The following HFM1 variants were observed in gnomAD, a reference collection of about 807,000 sequenced individuals.
The protein encoded by HFM1 is probable ATP-dependent DNA helicase HFM1.
A neutral mutation model predicts 192.1 loss-of-function variants in HFM1; 169 were observed. The ratio of observed to expected loss-of-function variants is 0.88; its 90% CI spans 0.78 to 1.00. The LOEUF (loss-of-function observed/expected upper bound fraction) is 1.00, where lower values mean the gene tolerates loss of function less well. Among genes scored for constraint, HFM1 ranks in the 50% least tolerant of loss-of-function variants. HFM1 has a pLI of 0.00. For missense variants in HFM1, 1,661 were observed against 1,668.0 expected (o/e 1.00, Z 0.07); for synonymous variants, 525 against 537.8 (o/e 0.98, Z 0.33).
chr1:91,388,426 G>A (rs933974461), intron 4 of HFM1, among the ~76,000 whole-genome samples: 1 of 152,094 alleles, frequency 6.6e-6, no homozygotes, highest in African/African-American at 2.4e-5. Context: ...AGAATCAGTC[G>A]GTGTCAGTCA....
chr1:91,359,131 T>G (rs762707945), intron 13 of HFM1, among the ~76,000 whole-genome samples: 2 of 152,026 alleles, frequency 1.3e-5, no homozygotes, highest in Non-Finnish European at 2.9e-5. Context: ...AGATCAAAGG[T>G]AGATAAGCCC....
At chr1:91,274,855 T>C in intron 32 of HFM1, 46 bp from the exon 33 acceptor site, 2 of 948,202 alleles carry the variant, frequency 2.1e-6, no homozygotes, top group Admixed American at 1.9e-5. Flanking sequence ...TTCACATCAA[T>C]AACTTGTAAC....
At chr1:91,370,717 CAT>C (rs1376618887) in intron 13 of HFM1, among the ~76,000 whole-genome samples, 2 of 152,110 alleles carry the variant, frequency 1.3e-5, no homozygotes, top group African/African-American at 4.8e-5. Context: ...TCCTATTCAA[CAT>C]AGTGTTGGAA....
At chr1:91,357,399 A>G (rs181776575) in intron 13 of HFM1, among the ~76,000 whole-genome samples, 350 of 152,334 alleles carry the variant, frequency 2.3e-3, no homozygotes, top group Non-Finnish European at 3.6e-3. Context: ...AGCAAGTTCA[A>G]CATCCTTTCT....
intron 30 of HFM1, among the ~76,000 whole-genome samples, chr1:91,297,014 C>T (rs1270336870): frequency 6.6e-6 from 1 of 152,250 alleles, no homozygotes; most frequent in Non-Finnish European, 1.5e-5. Context: ...CCGGGAAGCA[C>T]AAGGGGTCAG....
In HFM1 at chr1:91,351,617, G is replaced by A. The variant is rs117177978; in HGVS notation, c.2004C>T (p.Ile668=). 7.5e-6 allele frequency: 12 copies of A among 1,599,436 alleles called. No individual in the cohort carries two copies. Among genetic ancestry groups the A allele is most frequent in the Non-Finnish European group, 9.4e-6 (11 of 1,170,880 alleles). The change falls in exon 17 of 39, where the codon ATC becomes ATT. Residue 668 remains isoleucine, a synonymous_variant. Transcript: ENST00000370425. ...TGTCCCTTGTGCTTAATCGAGTCATGATAACTGCAGTAGCTGTAGTGTCAA... is the reference window on the plus strand; with the variant it reads ...TGTCCCTTGTGCTTAATCGAGTCATAATAACTGCAGTAGCTGTAGTGTCAA... ...PQFDTTATAV[I]MTRLSTRDKY... is the part of the protein sequence containing the mutation.
intron 30 of HFM1, among the ~76,000 whole-genome samples, chr1:91,313,036 C>T (rs527290420): frequency 1.3e-5 from 2 of 152,286 alleles, no homozygotes; most frequent in East Asian, 3.9e-4. Context: ...CCTCCCCAGC[C>T]ATGTGCAACT....
At chr1:91,328,704 A>G in intron 20 of HFM1, 1 of 1,602,726 alleles carries the variant, frequency 6.2e-7, no homozygotes, top group Non-Finnish European at 8.5e-7. Context: ...GCTGAGGCAG[A>G]GAAGCAGCTA....
At chr1:91,369,063 T>C (rs1659794131) in intron 13 of HFM1, among the ~76,000 whole-genome samples, 1 of 152,128 alleles carries the variant, frequency 6.6e-6, no homozygotes, top group African/African-American at 2.4e-5. Flanking sequence ...CCTAAATATA[T>C]ATGCACCCAA....
At chr1:91,336,698 A>T (rs1202043556) in intron 20 of HFM1, among the ~76,000 whole-genome samples, 3 of 152,234 alleles carry the variant, frequency 2.0e-5, no homozygotes, top group African/African-American at 2.4e-5. Flanking sequence ...CTAGAACCAG[A>T]AATACCATTT....
chr1:91,403,577 G>C (rs948169924), intron 1 of HFM1, among the ~76,000 whole-genome samples: 5 of 152,086 alleles, frequency 3.3e-5, no homozygotes, highest in African/African-American at 1.2e-4. Context: ...TCTAGGTTTA[G>C]ATTCAGATTT....
At chr1:91,311,211 C>T (rs1650389555) in intron 30 of HFM1, among the ~76,000 whole-genome samples, 1 of 152,060 alleles carries the variant, frequency 6.6e-6, no homozygotes, top group African/African-American at 2.4e-5. Context: ...GGCATTTTGC[C>T]CCTGCCCAAG....
chr1:91,338,924 C>G, intron 20 of HFM1: 3 of 455,840 alleles, frequency 6.6e-6, no homozygotes, highest in South Asian at 4.6e-5. Flanking sequence ...CCAGGAACAC[C>G]TCTAACCCTC....
rs1466938761 is a variant in HFM1 at position 91,264,359 on chromosome 1, G to GTTTTTTTTTTT, written c.3974+1657_3974+1658insAAAAAAAAAAA. 2.8e-4 allele frequency among the ~76,000 whole-genome samples: 15 copies of GTTTTTTTTTTT among 54,068 alleles called. 1 individual carries two copies. The highest frequency in any genetic ancestry group is 2.0e-3 in the South Asian group (3 of 1,486). The allele number at this position is 54,068 out of a possible 152,430, so 35.5% of individuals were successfully genotyped here. On this transcript the variant is annotated intron_variant, in intron 36 of 38. Coordinates refer to ENST00000370425, the MANE Select transcript of HFM1 (RefSeq NM_001017975.6). ...AATTCCAAGGGATACCACAAATTTA[G>GTTTTTTTTTTT]TATTTTTTTTTTTTTTTTTTTTTTT... is the stretch of plus-strand genomic sequence containing the variant.
chr1:91,315,788 A>T (rs1426613797), intron 28 of HFM1, 27 bp downstream of exon 28: 1 of 1,560,674 alleles, frequency 6.4e-7, no homozygotes. Context: ...TAGAAATAAG[A>T]TCAAACATCA....
chr1:91,404,742 G>C (rs1215900587), intron 1 of HFM1, 56 bp downstream of exon 1: 2 of 418,282 alleles, frequency 4.8e-6, no homozygotes, highest in Non-Finnish European at 9.7e-6. Flanking sequence ...ACTTCCCCGC[G>C]GGCGTCGGGC....
intron 23 of HFM1, 123 bp downstream of exon 23, chr1:91,322,827 A>G (rs1483950708): frequency 4.1e-6 from 2 of 488,648 alleles, no homozygotes; most frequent in Non-Finnish European, 7.0e-6. Context: ...GAGTTGTAAG[A>G]AATTAATTTC....
chr1:91,283,906 G>T (rs890103646), intron 30 of HFM1, among the ~76,000 whole-genome samples: 1 of 151,844 alleles, frequency 6.6e-6, no homozygotes, highest in African/African-American at 2.4e-5. Context: ...AGAAGCTACT[G>T]GAGTATTTTT....
intron 18 of HFM1, among the ~76,000 whole-genome samples, chr1:91,350,275 C>A (rs993623145): frequency 6.6e-6 from 1 of 152,070 alleles, no homozygotes; most frequent in Non-Finnish European, 1.5e-5. Flanking sequence ...CCTCTGGAAG[C>A]CACATAACCA....
Sources: allele counts gnomAD v4.1 joint callset (sites outside exome capture counted in the v4.1 genomes callset), GRCh38; gene constraint gnomAD v4.1.1; transcripts MANE v1.5; gene names NCBI Gene and HGNC (gene_info 2026-07-23, HGNC 2026-07-21).